CAPN13: variants seen among roughly 807,000 people sequenced by gnomAD.
CAPN13 encodes the protein calpain-13.
A neutral mutation model predicts 98.4 loss-of-function variants in CAPN13; 90 were observed. The ratio of observed to expected loss-of-function variants is 0.92; its 90% CI spans 0.77 to 1.09. The LOEUF (loss-of-function observed/expected upper bound fraction) is 1.09. Ranked by LOEUF, CAPN13 falls within the 50% of genes least tolerant of loss-of-function variation. The pLI, the probability that CAPN13 is intolerant of heterozygous loss-of-function variation, is 0.00. For synonymous variants in CAPN13, 330 were observed against 305.5 expected (o/e 1.08, Z -0.84); for missense variants, 887 against 841.3 (o/e 1.05, Z -0.67).
chr2:30,729,196 A>G (rs1362303537), intron 22 of CAPN13, among the ~76,000 whole-genome samples: 2 of 152,188 alleles, frequency 1.3e-5, no homozygotes, highest in Non-Finnish European at 2.9e-5. Flanking sequence ...CCAATTCTGT[A>G]AAGCAAACCA....
chr2:30,767,601 A>C (rs1026467494), intron 5 of CAPN13, among the ~76,000 whole-genome samples: 10 of 152,210 alleles, frequency 6.6e-5, no homozygotes, highest in Admixed American at 6.5e-4. Context: ...AGAAGCTTAT[A>C]AGTGAATTCA....
At chr2:30,745,406 A>T (rs1042940305) in intron 12 of CAPN13, 1 of 523,556 alleles carries the variant, frequency 1.9e-6, no homozygotes, top group African/African-American at 1.9e-5. Context: ...GGTACCCCTT[A>T]GTGCTGCTCT....
chr2:30,806,610 ATTCTAATC>A (rs1156733554), intron 1 of CAPN13, among the ~76,000 whole-genome samples: 1 of 152,218 alleles, frequency 6.6e-6, no homozygotes, highest in Non-Finnish European at 1.5e-5. Flanking sequence ...ATCTGCACTT[ATTCTAATC>A]TGGTTAACTT....
In CAPN13 at chr2:30,752,726, T is replaced by C. The variant is rs986895917; in HGVS notation, c.1087+327A>G. ...CCTGACACTTTTCCTGTGTTCTTTC[T>C]GCAGCGCTCTCCCTTGTCCTGGACA... On this transcript the variant is annotated intron_variant, in intron 10 of 22. Transcript: ENST00000295055. Among the ~76,000 whole-genome samples, 4 of 152,340 alleles carry C rather than the reference T, an allele frequency of 2.6e-5. No individual in the cohort carries two copies. The South Asian group carries it at 8.3e-4, about 32-fold the overall frequency.
intron 20 of CAPN13, among the ~76,000 whole-genome samples, chr2:30,732,068 C>A (rs749466935): frequency 1.3e-5 from 2 of 152,220 alleles, no homozygotes; most frequent in Non-Finnish European, 2.9e-5. Flanking sequence ...GGACCTCCTG[C>A]CCCTACTTAT....
At chr2:30,731,595 C>T (rs1671098475) in intron 20 of CAPN13, among the ~76,000 whole-genome samples, 196 bp from the exon 21 acceptor site, 1 of 152,188 alleles carries the variant, frequency 6.6e-6, no homozygotes. Context: ...GCTCAGGGCT[C>T]ACCTCCTCAG....
chr2:30,756,772 G>A (rs992465745), intron 8 of CAPN13, among the ~76,000 whole-genome samples: 1 of 152,200 alleles, frequency 6.6e-6, no homozygotes, highest in African/African-American at 2.4e-5. Flanking sequence ...AGGTGAGAGA[G>A]GAGAAACGGG....
rs1673800314 is a variant in CAPN13 at position 30,778,211 on chromosome 2, G to A, written c.199-572C>T. Among the ~76,000 whole-genome samples, 3 of 152,328 alleles carry A rather than the reference G, an allele frequency of 2.0e-5. 1 individual carries two copies. In the South Asian group the frequency reaches 6.2e-4, roughly 32 times the overall value. ...GTCTGGAAGGCCGCAGTCCCCTTGT[G>A]TGAGGAGCTGGTACTCAGTGCCCGG... is the stretch of plus-strand genomic sequence containing the variant. On this transcript the variant is annotated intron_variant, in intron 2 of 22. Transcript: ENST00000295055.
chr2:30,745,625 C>T lies in CAPN13; in HGVS notation c.1248+98G>A, dbSNP rs180951285. The T allele has an allele frequency of 9.7e-5, 118 of 1,220,156 alleles. No individual in the cohort carries two copies. In the Admixed American group the frequency reaches 1.8e-3, roughly 18 times the overall value. 75.6% of individuals were successfully genotyped at this position (1,220,156 alleles called of 1,614,324 possible). A position where few individuals can be genotyped will look rare whatever the true frequency, so the allele number is the denominator to read the frequency against. On this transcript the variant is annotated intron_variant, in intron 12 of 22. Coordinates refer to ENST00000295055, the MANE Select transcript of CAPN13 (RefSeq NM_144575.3). Reference sequence around the variant, plus strand: ...AGACTTAGCGAGACTGAATTTGCAGCCACTGAACACGTGGAGGCCATGGGC... The same window carrying T: ...AGACTTAGCGAGACTGAATTTGCAGTCACTGAACACGTGGAGGCCATGGGC...
chr2:30,780,452 T>C (rs1317872637), intron 2 of CAPN13, among the ~76,000 whole-genome samples: 1 of 152,244 alleles, frequency 6.6e-6, no homozygotes, highest in Non-Finnish European at 1.5e-5. Flanking sequence ...AGCACTTACA[T>C]GGGCCAAAGG....
At chr2:30,729,991 A>G (rs1671006191) in intron 22 of CAPN13, 3 of 152,208 alleles carry the variant, frequency 2.0e-5, no homozygotes, top group Non-Finnish European at 2.9e-5. Flanking sequence ...ATTTTTTTCT[A>G]CAGTGGTCCA....
chr2:30,730,642 C>T (rs1671036955), intron 22 of CAPN13, 88 bp downstream of exon 22: 2 of 720,598 alleles, frequency 2.8e-6, no homozygotes, highest in Admixed American at 2.0e-5. Context: ...GAGGCTCTCC[C>T]AAGGAGAGAG....
intron 22 of CAPN13, among the ~76,000 whole-genome samples, chr2:30,726,384 C>T (rs1247911634): frequency 1.3e-5 from 2 of 151,992 alleles, no homozygotes; most frequent in Non-Finnish European, 2.9e-5. Flanking sequence ...AGGTTCTAGC[C>T]AGACAATTAG....
At chr2:30,761,035 G>A (rs1672825518) in intron 7 of CAPN13, among the ~76,000 whole-genome samples, 1 of 152,182 alleles carries the variant, frequency 6.6e-6, no homozygotes, top group Admixed American at 6.5e-5. Flanking sequence ...TGTGGCTAAT[G>A]GTACAATAAA....
At chr2:30,792,165 T>C (rs146435290) in intron 1 of CAPN13, among the ~76,000 whole-genome samples, 3 of 151,986 alleles carry the variant, frequency 2.0e-5, no homozygotes, top group African/African-American at 7.2e-5. Flanking sequence ...TAGAAGGACA[T>C]AAATAAGAAA....
intron 1 of CAPN13, among the ~76,000 whole-genome samples, chr2:30,788,922 T>C (rs1026218272): frequency 5.3e-5 from 8 of 152,190 alleles, no homozygotes; most frequent in African/African-American, 1.9e-4. Context: ...GATTGGACCA[T>C]ACAGAACTGC....
At chr2:30,731,600 C>A (rs1193063699) in intron 20 of CAPN13, among the ~76,000 whole-genome samples, 6 of 152,098 alleles carry the variant, frequency 3.9e-5, no homozygotes, top group African/African-American at 1.5e-4. Flanking sequence ...GGGCTCACCT[C>A]CTCAGAGGGG....
At chr2:30,790,721 C>T (rs1558343254) in intron 1 of CAPN13, among the ~76,000 whole-genome samples, 1 of 152,182 alleles carries the variant, frequency 6.6e-6, no homozygotes, top group East Asian at 1.9e-4. Context: ...TGCAGTCAGA[C>T]CTTGGTGATG....
intron 3 of CAPN13, among the ~76,000 whole-genome samples, chr2:30,777,275 A>C (rs564806855): frequency 5.3e-5 from 8 of 152,164 alleles, no homozygotes; most frequent in Non-Finnish European, 1.2e-4. Flanking sequence ...ACATTAAGCA[A>C]ATTATTTTAC....
Sources: allele counts gnomAD v4.1 joint callset (sites outside exome capture counted in the v4.1 genomes callset), GRCh38; gene constraint gnomAD v4.1.1; transcripts MANE v1.5; gene names NCBI Gene and HGNC (gene_info 2026-07-23, HGNC 2026-07-21).